RNF175: variants seen among roughly 807,000 people sequenced by gnomAD.
The protein encoded by RNF175 is ring finger protein 175.
In RNF175, 38 loss-of-function variants were observed where a neutral mutation model predicts 50.0. The ratio of observed to expected loss-of-function variants is 0.76; its 90% confidence interval spans 0.59 to 1.00. The LOEUF (loss-of-function observed/expected upper bound fraction) is 1.00, where lower values mean the gene tolerates loss of function less well. Ranked by LOEUF, RNF175 falls within the 50% of genes least tolerant of loss-of-function variation. The probability of loss-of-function intolerance (pLI) is 0.00; values close to 1 mark genes in which losing one functional copy is unlikely to be tolerated. For synonymous variants in RNF175, 155 were observed against 146.1 expected (o/e 1.06, Z -0.44); for missense variants, 388 against 409.6 (o/e 0.95, Z 0.46).
intron 1 of RNF175, among the ~76,000 whole-genome samples, chr4:153,757,114 C>T (rs1479042371): frequency 6.6e-6 from 1 of 152,204 alleles, no homozygotes; most frequent in African/African-American, 2.4e-5. Context: ...TGCTCTCCCT[C>T]CACTCCCAGC....
In RNF175 at chr4:153,720,100, T is replaced by G. The variant is rs1220025349; in HGVS notation, c.630+84A>C. The G allele has an allele frequency of 4.8e-6, 7 of 1,445,208 alleles. No homozygotes were observed. The East Asian group carries it at 1.4e-4, about 28-fold the overall frequency. The allele number at this position is 1,445,208 out of a possible 1,614,324, so 89.5% of individuals were successfully genotyped here. A position where few individuals can be genotyped will look rare whatever the true frequency, so the allele number is the denominator to read the frequency against. On this transcript the variant is annotated intron_variant, in intron 6 of 8. Transcript: ENST00000347063. ...AGTATATGGAGAAAGACTTATTTGT[T>G]TCTGAAAATGGATGCAGACATGTAA...
intron 3 of RNF175, among the ~76,000 whole-genome samples, chr4:153,729,207 C>G (rs17030378): frequency 0.024 from 3,661 of 152,330 alleles, 169 homozygotes; most frequent in African/African-American, 0.083. Context: ...CGCATTCAGA[C>G]TAAACACCTA....
chr4:153,736,644 G>C (rs1739365578), intron 3 of RNF175, among the ~76,000 whole-genome samples: 1 of 152,116 alleles, frequency 6.6e-6, no homozygotes, highest in Non-Finnish European at 1.5e-5. Context: ...TGGGCTTGGT[G>C]CTTTCTTTTT....
Position 153,723,401 on chromosome 4 carries a change from C to T in RNF175, c.459G>A (p.Val153=), listed in dbSNP as rs1313679475. 1 of 1,608,458 alleles carries T rather than the reference C, an allele frequency of 6.2e-7. No individual in the cohort carries two copies. Among genetic ancestry groups the T allele is most frequent in the African/African-American group, 1.3e-5 (1 of 74,828 alleles). The part of the protein sequence containing the change: ...IYKLSYAFGV[V]GYLAIMFTMC... ...TTGTAAACATGATCGCCAAGTAACC[C>T]ACAACACCAAATGCATAGCTGAGTT... is the stretch of plus-strand genomic sequence containing the variant. Residue 153 remains valine (V), a synonymous_variant, in exon 5 of 9, where the codon GTG becomes GTA. Coordinates refer to ENST00000347063, the MANE Select transcript of RNF175 (RefSeq NM_173662.4).
Position 153,715,646 on chromosome 4 carries a change from C to A in RNF175, c.647G>T (p.Arg216Leu). The A allele has an allele frequency of 3.1e-6, 5 of 1,613,820 alleles. No homozygotes were observed. Among genetic ancestry groups the A allele is most frequent in the African/African-American group, 1.3e-5 (1 of 75,020 alleles). ...ASTIGFYSVS[R>L]LPTRSLSDNI... ...GTCCGATAAGCTCCTTGTAGGCAAC[C>A]GGCTGACACTGTAGAACTATCAGAG... The change falls in exon 7 of 9, where the codon CGG becomes CTG. Residue 216 changes from arginine to leucine, a missense_variant. Physicochemically the swap from Arg to Leu is moderately radical, Grantham distance 102. Transcript: ENST00000347063.
At chr4:153,744,179 T>G (rs998994429) in intron 3 of RNF175, among the ~76,000 whole-genome samples, 2 of 152,144 alleles carry the variant, frequency 1.3e-5, no homozygotes, top group Non-Finnish European at 2.9e-5. Flanking sequence ...CCCAGCACTT[T>G]GGGAGGCCAA....
At chr4:153,725,619 C>T (rs910344714) in intron 4 of RNF175, among the ~76,000 whole-genome samples, 2 of 152,222 alleles carry the variant, frequency 1.3e-5, no homozygotes, top group African/African-American at 4.8e-5. Flanking sequence ...AGGAGCTTTG[C>T]AGCCAAGTAG....
chr4:153,733,540 A>G (rs970929149), intron 3 of RNF175, among the ~76,000 whole-genome samples: 6 of 152,222 alleles, frequency 3.9e-5, no homozygotes, highest in Non-Finnish European at 7.3e-5. Flanking sequence ...AGTGGAATAC[A>G]GTACTTTTTT....
chr4:153,730,180 C>A (rs1738949172), intron 3 of RNF175, among the ~76,000 whole-genome samples: 1 of 152,180 alleles, frequency 6.6e-6, no homozygotes. Flanking sequence ...TGTGGTGGCT[C>A]ATGCCTGTAA....
chr4:153,715,251 C>A, intron 7 of RNF175: 1 of 457,384 alleles, frequency 2.2e-6, no homozygotes, highest in Middle Eastern at 4.9e-4. Context: ...AACCAATTTC[C>A]CCTGCCAGCA....
At chr4:153,733,108 A>T (rs1198361836) in intron 3 of RNF175, among the ~76,000 whole-genome samples, 1 of 152,194 alleles carries the variant, frequency 6.6e-6, no homozygotes, top group East Asian at 1.9e-4. Flanking sequence ...ACCGCAGAAC[A>T]TAATCTATCT....
intron 1 of RNF175, among the ~76,000 whole-genome samples, chr4:153,754,170 A>AG (rs1740447876): frequency 1.5e-4 from 1 of 6,804 alleles, no homozygotes; most frequent in Admixed American, 3.8e-3. Context: ...ACTCCGTCTC[A>AG]AAAAAAAAAA....
intron 5 of RNF175, 48 bp downstream of exon 5, chr4:153,723,303 G>A (rs187033485): frequency 6.7e-5 from 62 of 932,208 alleles, no homozygotes; most frequent in Middle Eastern, 6.3e-4. Flanking sequence ...AGGTGAGTGT[G>A]CCAAGCAAGT....
In RNF175 at chr4:153,719,434, G is replaced by A. The variant is rs532174236; in HGVS notation, c.630+750C>T. On this transcript the variant is annotated intron_variant, in intron 6 of 8. Transcript: ENST00000347063. Reference sequence around the variant, plus strand: ...GGCTGTGTACCAGGAGACACATGTAGAGGACAGAGATGTGGAATTCTTGAA... The same window carrying A: ...GGCTGTGTACCAGGAGACACATGTAAAGGACAGAGATGTGGAATTCTTGAA... Among the ~76,000 whole-genome samples, 59 of 152,298 alleles carry A rather than the reference G, an allele frequency of 3.9e-4. 1 individual carries two copies. In the South Asian group the frequency reaches 0.012, roughly 31 times the overall value.
chr4:153,718,218 G>GTTTTTTTTTTTTTTTTTTTTT (rs1560770428), intron 6 of RNF175, among the ~76,000 whole-genome samples: 3 of 28,692 alleles, frequency 1.0e-4, no homozygotes, highest in Non-Finnish European at 4.7e-4. Context: ...AGTTTTTTTT[G>GTTTTTTTTTTTTTTTTTTTTT]TTTGTTTGTT....
intron 8 of RNF175, 73 bp from the exon 9 acceptor site, chr4:153,710,562 T>G: frequency 1.4e-6 from 2 of 1,384,754 alleles, no homozygotes; most frequent in Non-Finnish European, 2.0e-6. Context: ...CATTTGCAAA[T>G]ATAATAAACA....
In RNF175 at chr4:153,751,423, A is replaced by G. The variant is rs1234515839; in HGVS notation, c.104+15T>C. ...TTTTTAGCAAAACAACTCTTAAAAA[A>G]TACTAATTACTTACTTCCATGTGTC... On this transcript the variant is annotated intron_variant, in intron 2 of 8. Coordinates refer to ENST00000347063, the MANE Select transcript of RNF175 (RefSeq NM_173662.4). The G allele has an allele frequency of 1.8e-5, 27 of 1,518,742 alleles. No individual in the cohort carries two copies. The highest frequency in any genetic ancestry group is 2.3e-5 in the Non-Finnish European group (26 of 1,122,352). The allele number at this position is 1,518,742 out of a possible 1,614,324, so 94.1% of individuals were successfully genotyped here. A position where few individuals can be genotyped will look rare whatever the true frequency, so the allele number is the denominator to read the frequency against.
chr4:153,753,343 C>T (rs1465786544), intron 1 of RNF175, among the ~76,000 whole-genome samples: 2 of 152,062 alleles, frequency 1.3e-5, no homozygotes, highest in East Asian at 1.9e-4. Flanking sequence ...GTGGCTAAAC[C>T]GGAGGCACAG....
chr4:153,719,700 A>T (rs2606319), intron 6 of RNF175, among the ~76,000 whole-genome samples: 80,707 of 152,066 alleles, frequency 0.53, 22,131 homozygotes, highest in Non-Finnish European at 0.62. Flanking sequence ...TATATCTTCT[A>T]CTTCTTCAGA....
Sources: allele counts gnomAD v4.1 joint callset (sites outside exome capture counted in the v4.1 genomes callset), GRCh38; gene constraint gnomAD v4.1.1; transcripts MANE v1.5; gene names NCBI Gene and HGNC (gene_info 2026-07-23, HGNC 2026-07-21).